AIG1: variants seen among roughly 807,000 people sequenced by gnomAD.
AIG1 encodes androgen induced 1, also known as androgen-induced gene 1 protein.
AIG1 carries 23 observed loss-of-function variants against 31.4 expected under a neutral mutation model. That is an observed-to-expected ratio of 0.73 (90% CI 0.53 to 1.04). AIG1 has a LOEUF of 1.04. Among genes scored for constraint, AIG1 ranks in the 50% least tolerant of loss-of-function variants. AIG1 has a pLI of 0.00. For missense variants in AIG1, 274 were observed against 295.0 expected, an observed-to-expected ratio of 0.93 and a Z score of 0.52; for synonymous variants, 100 against 110.5, an observed-to-expected ratio of 0.90 and a Z score of 0.60.
chr6:143,083,966 C>T (rs1443474090), intron 1 of AIG1, among the ~76,000 whole-genome samples: 1 of 152,120 alleles, frequency 6.6e-6, no homozygotes, highest in Non-Finnish European at 1.5e-5. Flanking sequence ...ATTAGAAAGG[C>T]ATGTGAAAAG....
At chr6:143,125,900 G>T (rs1782647635) in intron 1 of AIG1, among the ~76,000 whole-genome samples, 1 of 152,068 alleles carries the variant, frequency 6.6e-6, no homozygotes, top group Non-Finnish European at 1.5e-5. Flanking sequence ...GGTGACTTAT[G>T]GCCTGTTTCA....
At chr6:143,199,180 AATTGAGAAT>A (rs1355565826) in intron 3 of AIG1, among the ~76,000 whole-genome samples, 2 of 152,164 alleles carry the variant, frequency 1.3e-5, no homozygotes, top group East Asian at 3.9e-4. Flanking sequence ...GATTGCAATG[AATTGAGAAT>A]ATTTGAACAA....
At chr6:143,092,933 C>T (rs1016270404) in intron 1 of AIG1, among the ~76,000 whole-genome samples, 1 of 152,026 alleles carries the variant, frequency 6.6e-6, no homozygotes, top group African/African-American at 2.4e-5. Context: ...GGCTATAGTC[C>T]CAGGTACTCA....
At chr6:143,314,783 G>A (rs1775599702) in intron 4 of AIG1, among the ~76,000 whole-genome samples, 1 of 152,012 alleles carries the variant, frequency 6.6e-6, no homozygotes, top group Non-Finnish European at 1.5e-5. Flanking sequence ...AAATAAAAAA[G>A]TACAGCTCAC....
rs1396402390 is a variant in AIG1 at position 143,329,300 on chromosome 6, A to G, written c.516-3982A>G. On this transcript the variant is annotated intron_variant, in intron 4 of 5. Coordinates refer to ENST00000357847, the MANE Select transcript of AIG1 (RefSeq NM_016108.4). This position sits in a 1 kb window ranked among gnomAD's most constrained non-coding sequence, Gnocchi z 4.9. ...CTTTCCCAGCTTTGCCAGTTTTATG[A>G]TAAGTTCTTTAGTCTGATCTCAGTT... Among the ~76,000 whole-genome samples the G allele has an allele frequency of 6.6e-6, 1 of 152,224 alleles. No homozygotes were observed. The highest frequency in any genetic ancestry group is 1.5e-5 in the Non-Finnish European group (1 of 68,034).
At chr6:143,261,304 C>T (rs77809094) in intron 3 of AIG1, among the ~76,000 whole-genome samples, 1 of 152,114 alleles carries the variant, frequency 6.6e-6, no homozygotes, top group Non-Finnish European at 1.5e-5. Context: ...GGTTATTTTT[C>T]TATTTTTAAT....
intron 3 of AIG1, among the ~76,000 whole-genome samples, chr6:143,260,795 A>G (rs973988647): frequency 2.0e-5 from 3 of 152,232 alleles, no homozygotes; most frequent in African/African-American, 7.2e-5. Flanking sequence ...CAAAGCTAGA[A>G]TTCCAACCCA....
rs1024013621 is a variant in AIG1, at chr6:143,089,447, A to G, written c.141+28381A>G. On this transcript the variant is annotated intron_variant, in intron 1 of 5. Coordinates refer to ENST00000357847, the MANE Select transcript of AIG1 (RefSeq NM_016108.4). ...ACCTTCTGTAAGTCATAAAGCTTCT[A>G]TTTTGTTTGTTTCATACGTTACACA... 5.9e-4 allele frequency among the ~76,000 whole-genome samples: 90 copies of G among 152,144 alleles called. 1 individual carries two copies. Among genetic ancestry groups the G allele is most frequent in the African/African-American group, 2.1e-3 (87 of 41,482 alleles).
chr6:143,238,543 G>T (rs1174374403), intron 3 of AIG1, among the ~76,000 whole-genome samples: 1 of 152,138 alleles, frequency 6.6e-6, no homozygotes, highest in African/African-American at 2.4e-5. Context: ...TTGGGTCTGG[G>T]GGAGGGGTTC....
chr6:143,078,698 A>G (rs1421699315), intron 1 of AIG1, among the ~76,000 whole-genome samples: 1 of 152,170 alleles, frequency 6.6e-6, no homozygotes, highest in Non-Finnish European at 1.5e-5. Context: ...TACCTTGAGA[A>G]CAGTATGGAG....
intron 2 of AIG1, among the ~76,000 whole-genome samples, chr6:143,164,389 C>T (rs1178086559): frequency 6.6e-6 from 1 of 152,172 alleles, no homozygotes; most frequent in Non-Finnish European, 1.5e-5. Flanking sequence ...ACATTGAGTA[C>T]TCTACTCTCT....
Position 143,165,190 on chromosome 6 carries a change from G to C in AIG1, c.399+7G>C. On this transcript the variant is annotated splice_region_variant and intron_variant, in intron 3 of 5. Transcript: ENST00000357847. ...GTGGCTGAATCACGGAATGGTGAGT[G>C]GATTAAAACAAACGGCTTTCTTTTA... The C allele has an allele frequency of 6.3e-7, 1 of 1,596,012 alleles. No individual in the cohort carries two copies. Among genetic ancestry groups the C allele is most frequent in the Non-Finnish European group, 8.6e-7 (1 of 1,164,248 alleles).
chr6:143,060,961 A>G lies in AIG1; in HGVS notation c.36A>G (p.Ala12=), dbSNP rs751493759. 5 of 1,612,476 alleles carry G rather than the reference A, an allele frequency of 3.1e-6. No individual in the cohort carries two copies. The highest frequency in any genetic ancestry group is 3.4e-6 in the Non-Finnish European group (4 of 1,179,606). The change falls in exon 1 of 6, where the codon GCA becomes GCG. Residue 12 remains alanine (A), a synonymous_variant. Coordinates refer to ENST00000357847, the MANE Select transcript of AIG1 (RefSeq NM_016108.4). ...TCCCCTGCCAGGTGCTGCGGATGGC[A>G]ATCCTGCTGTCTTACTGCTCTATCC... ...ALVPCQVLRM[A]ILLSYCSILC...
intron 3 of AIG1, chr6:143,189,145 G>A: frequency 1.8e-6 from 1 of 556,346 alleles, no homozygotes; most frequent in African/African-American, 2.0e-5. Flanking sequence ...CAGGGCTCAA[G>A]CAATCCTCCT....
chr6:143,124,266 C>T (rs139954751), intron 1 of AIG1, among the ~76,000 whole-genome samples: 3 of 152,338 alleles, frequency 2.0e-5, no homozygotes, highest in South Asian at 2.1e-4. Context: ...GGAAGGGCCT[C>T]TCTTACTGTT....
At chr6:143,180,665 G>A (rs983500510) in intron 3 of AIG1, among the ~76,000 whole-genome samples, 29 of 152,150 alleles carry the variant, frequency 1.9e-4, no homozygotes, top group African/African-American at 7.0e-4. Context: ...AGAATGCAAA[G>A]CACTGAAGAA....
At chr6:143,250,909 GA>G (rs1318803263) in intron 3 of AIG1, among the ~76,000 whole-genome samples, 1 of 152,142 alleles carries the variant, frequency 6.6e-6, no homozygotes, top group African/African-American at 2.4e-5. Flanking sequence ...GTGGCCCAAG[GA>G]AGCCAAAAGA....
intron 3 of AIG1, among the ~76,000 whole-genome samples, chr6:143,202,856 G>A (rs973375200): frequency 2.0e-5 from 3 of 152,134 alleles, no homozygotes; most frequent in African/African-American, 7.2e-5. Context: ...CCAGCAACAT[G>A]GAAAATATTT....
intron 2 of AIG1, among the ~76,000 whole-genome samples, chr6:143,155,391 T>TG (rs1562436330): frequency 2.0e-5 from 3 of 151,614 alleles, no homozygotes; most frequent in South Asian, 4.2e-4. Context: ...CTTCTTCTTG[T>TG]GGGGGGGATA....
Sources: allele counts gnomAD v4.1 joint callset (sites outside exome capture counted in the v4.1 genomes callset), GRCh38; gene constraint gnomAD v4.1.1; non-coding constraint Gnocchi (gnomAD v3.1); transcripts MANE v1.5; gene names NCBI Gene and HGNC (gene_info 2026-07-23, HGNC 2026-07-21).